The following DDX46 variants were observed in gnomAD, a reference collection of about 807,000 sequenced individuals.
The protein encoded by DDX46 is probable ATP-dependent RNA helicase DDX46.
Under a neutral mutation model 134.9 loss-of-function variants are expected in DDX46, and 30 were observed. The observed-to-expected ratio is 0.22, with a 90% CI of 0.17 to 0.30. DDX46 has a LOEUF of 0.30. DDX46 is among the 10% of genes least tolerant of loss of function. The pLI is 1.00. For missense variants in DDX46, 622 were observed against 1,248.7 expected, an observed-to-expected ratio of 0.50 and a Z score of 7.56; for synonymous variants, 415 against 404.1, an observed-to-expected ratio of 1.03 and a Z score of -0.32.
chr5:134,804,865 T>TCACA (rs1754936031), intron 15 of DDX46: 3 of 397,236 alleles, frequency 7.6e-6, no homozygotes, highest in African/African-American at 2.1e-5. Flanking sequence ...AATCCTGTCA[T>TCACA]GATCACATTT....
chr5:134,782,157 A>C, intron 8 of DDX46, 71 bp downstream of exon 8: 2 of 1,369,280 alleles, frequency 1.5e-6, no homozygotes, highest in Non-Finnish European at 2.0e-6. Context: ...TGCTCAAGAG[A>C]AATGTGGATA....
chr5:134,767,429 T>A (rs1256716444), intron 3 of DDX46, among the ~76,000 whole-genome samples: 1 of 151,988 alleles, frequency 6.6e-6, no homozygotes, highest in Non-Finnish European at 1.5e-5. Context: ...CTTAAACTTG[T>A]AGACTCAAGC....
At chr5:134,794,755 T>A in intron 13 of DDX46, 95 bp from the exon 14 acceptor site, 1 of 1,476,064 alleles carries the variant, frequency 6.8e-7, no homozygotes, top group Non-Finnish European at 9.2e-7. Context: ...ACTGAGACAG[T>A]TGTTCTCAAA....
At chr5:134,782,879 A>G in intron 8 of DDX46, 66 bp from the exon 9 acceptor site, 1 of 1,569,290 alleles carries the variant, frequency 6.4e-7, no homozygotes. Context: ...CTTATGCCTA[A>G]TTGAAAAGTA....
At chr5:134,798,831 A>C (rs902252960) in intron 15 of DDX46, among the ~76,000 whole-genome samples, 1 of 152,330 alleles carries the variant, frequency 6.6e-6, no homozygotes, top group East Asian at 1.9e-4. Context: ...AAGGCTGACT[A>C]ATATTCCATT....
chr5:134,828,012 A>G (rs998332696), intron 22 of DDX46, among the ~76,000 whole-genome samples: 7 of 152,238 alleles, frequency 4.6e-5, no homozygotes, highest in African/African-American at 1.7e-4. Context: ...ATTTGCCAAC[A>G]CATGGTGTTG....
chr5:134,775,657 C>T (rs1025813294), intron 5 of DDX46, among the ~76,000 whole-genome samples: 4 of 152,018 alleles, frequency 2.6e-5, no homozygotes, highest in Admixed American at 2.0e-4. Context: ...GTGATCCGCC[C>T]GCCTTGGCCT....
intron 18 of DDX46, among the ~76,000 whole-genome samples, chr5:134,814,851 A>G (rs1418255645): frequency 6.6e-6 from 1 of 152,216 alleles, no homozygotes; most frequent in Non-Finnish European, 1.5e-5. Flanking sequence ...CCTGGGCTCA[A>G]GTAATCCTCC....
At chr5:134,779,825 G>A (rs1270210029) in intron 6 of DDX46, among the ~76,000 whole-genome samples, 1 of 152,334 alleles carries the variant, frequency 6.6e-6, no homozygotes, top group Admixed American at 6.5e-5. Context: ...CATGCCGGAC[G>A]TGGTGGCTCA....
At chr5:134,798,692 C>T (rs1455392676) in intron 15 of DDX46, among the ~76,000 whole-genome samples, 1 of 152,192 alleles carries the variant, frequency 6.6e-6, no homozygotes, top group Non-Finnish European at 1.5e-5. Context: ...TGTCTCTATG[C>T]ATTTGCCTAT....
intron 15 of DDX46, among the ~76,000 whole-genome samples, chr5:134,802,458 G>A (rs150985150): frequency 7.3e-5 from 11 of 150,738 alleles, no homozygotes; most frequent in Non-Finnish European, 1.5e-4. Flanking sequence ...CACCGTGTTT[G>A]GCCCTGATAA....
At chr5:134,766,391 G>C (rs566620725) in intron 2 of DDX46, among the ~76,000 whole-genome samples, 18 of 151,968 alleles carry the variant, frequency 1.2e-4, no homozygotes, top group African/African-American at 3.4e-4. Flanking sequence ...AACCCCATCT[G>C]TAAAAATACA....
intron 13 of DDX46, 31 bp from the exon 14 acceptor site, chr5:134,794,819 A>G (rs750417069): frequency 6.2e-7 from 1 of 1,610,744 alleles, no homozygotes; most frequent in East Asian, 2.2e-5. Context: ...CATATTTACC[A>G]TATTTATTTG....
intron 4 of DDX46, 31 bp from the exon 5 acceptor site, chr5:134,773,665 C>T (rs765012899): frequency 1.3e-6 from 2 of 1,546,062 alleles, no homozygotes; most frequent in South Asian, 2.5e-5. Flanking sequence ...TTTATTTTCC[C>T]CCATCTCTTT....
chr5:134,826,904 A>C (rs1260683023), intron 21 of DDX46, 43 bp from the exon 22 acceptor site: 1 of 1,590,814 alleles, frequency 6.3e-7, no homozygotes, highest in Non-Finnish European at 8.6e-7. Flanking sequence ...AACACAGTGT[A>C]AGTTTAGTAA....
intron 12 of DDX46, 199 bp from the exon 13 acceptor site, chr5:134,790,271 G>T: frequency 1.6e-6 from 1 of 630,298 alleles, no homozygotes; most frequent in Non-Finnish European, 2.9e-6. Context: ...TATACCCATT[G>T]TCAGAAAGTA....
At chr5:134,819,841 G>GT (rs1358352524) in intron 21 of DDX46, among the ~76,000 whole-genome samples, 1 of 151,650 alleles carries the variant, frequency 6.6e-6, no homozygotes, top group African/African-American at 2.4e-5. Context: ...AGCCTATTTT[G>GT]TTTTTTCTGA....
In DDX46 at chr5:134,806,512, A is replaced by G. The variant is rs752374250; in HGVS notation, c.1955-1236A>G. On this transcript the variant is annotated intron_variant, in intron 15 of 22. Coordinates refer to ENST00000452510, the MANE Select transcript of DDX46 (RefSeq NM_001300860.2). ...TTTAGGCTAAAGTAAAAGTTTTGGT[A>G]TTTTCAAATTATAAACAAATTTATA... Among the ~76,000 whole-genome samples, 4 of 152,254 alleles carry G rather than the reference A, an allele frequency of 2.6e-5. No individual in the cohort carries two copies. The South Asian group carries it at 8.3e-4, about 32-fold the overall frequency.
At chr5:134,774,029 G>C (rs945548461) in intron 5 of DDX46, among the ~76,000 whole-genome samples, 168 bp downstream of exon 5, 8 of 152,108 alleles carry the variant, frequency 5.3e-5, no homozygotes, top group African/African-American at 2.4e-5. Flanking sequence ...TACATTTGCA[G>C]TGTTGTGCAG....
Sources: allele counts gnomAD v4.1 joint callset (sites outside exome capture counted in the v4.1 genomes callset), GRCh38; gene constraint gnomAD v4.1.1; transcripts MANE v1.5; gene names NCBI Gene and HGNC (gene_info 2026-07-23, HGNC 2026-07-21).